PDE12: variants seen among roughly 807,000 people sequenced by gnomAD.
PDE12 encodes the protein phosphodiesterase 12.
Under a neutral mutation model 45.4 loss-of-function variants are expected in PDE12, and 26 were observed. The ratio of observed to expected loss-of-function variants is 0.57; its 90% confidence interval spans 0.42 to 0.79. The LOEUF (loss-of-function observed/expected upper bound fraction) is 0.79. Among genes scored for constraint, PDE12 ranks in the 30% least tolerant of loss-of-function variants. PDE12 has a pLI of 0.00. For synonymous variants in PDE12, 283 were observed against 323.9 expected (o/e 0.87, Z 1.36); for missense variants, 668 against 790.0 (o/e 0.85, Z 1.85).
chr3:57,600,983 G>A, the PDE12 span: 4 of 152,234 alleles, frequency 2.6e-5, no homozygotes, highest in East Asian at 7.7e-4. Context: ...AATTGCTATA[G>A]TTTATTGATC....
the PDE12 span, among the ~76,000 whole-genome samples, chr3:57,581,435 A>C: frequency 6.6e-6 from 1 of 152,300 alleles, no homozygotes; most frequent in African/African-American, 2.4e-5. Flanking sequence ...CTAGGGATAA[A>C]CCCAGGGTTA....
chr3:57,610,402 A>T, the PDE12 span, among the ~76,000 whole-genome samples: 1 of 152,168 alleles, frequency 6.6e-6, no homozygotes, highest in South Asian at 2.1e-4. Flanking sequence ...AGGCAGGAGA[A>T]ATAAATAAAG....
At chr3:57,587,827 A>C in the PDE12 span, among the ~76,000 whole-genome samples, 3 of 152,230 alleles carry the variant, frequency 2.0e-5, no homozygotes, top group Non-Finnish European at 2.9e-5. Context: ...ATTACAAGAC[A>C]ACAGTTTAAT....
At chr3:57,604,155 C>G in the PDE12 span, among the ~76,000 whole-genome samples, 2 of 151,946 alleles carry the variant, frequency 1.3e-5, no homozygotes, top group Admixed American at 1.3e-4. Context: ...AACTCCTGAC[C>G]TTGTGATCCA....
the PDE12 span, among the ~76,000 whole-genome samples, chr3:57,621,985 G>C: frequency 6.6e-6 from 1 of 152,102 alleles, no homozygotes; most frequent in Non-Finnish European, 1.5e-5. Flanking sequence ...AGAGCAGCCT[G>C]GCCAACATGG....
the PDE12 span, among the ~76,000 whole-genome samples, chr3:57,629,757 C>T: frequency 1.3e-5 from 2 of 151,364 alleles, no homozygotes; most frequent in Admixed American, 6.6e-5. Context: ...CTCCTGACCT[C>T]GTGATCCACC....
At chr3:57,597,101 C>G in the PDE12 span, 1 of 1,614,028 alleles carries the variant, frequency 6.2e-7, no homozygotes. Flanking sequence ...TGCTTCTTGC[C>G]AAATAGTCGG....
rs1369956360 is a variant in PDE12, at chr3:57,560,507, G to T, written c.*503G>T. The T allele has an allele frequency of 2.2e-5, 10 of 445,038 alleles. No individual in the cohort carries two copies. In the South Asian group the frequency reaches 2.8e-4, roughly 13 times the overall value. 27.6% of individuals were successfully genotyped at this position (445,038 alleles called of 1,614,324 possible). A position where few individuals can be genotyped will look rare whatever the true frequency, so the allele number is the denominator to read the frequency against. ...TGTCTGGCTAATTTTTGTATTTTTAGTAGAAATGGGGTTTCGCCACGTTGG... is the reference window on the plus strand; with the variant it reads ...TGTCTGGCTAATTTTTGTATTTTTATTAGAAATGGGGTTTCGCCACGTTGG... On this transcript the variant is annotated 3_prime_UTR_variant, in exon 3 of 3. Coordinates refer to ENST00000311180, the MANE Select transcript of PDE12 (RefSeq NM_177966.7).
the PDE12 span, among the ~76,000 whole-genome samples, chr3:57,595,108 T>A: frequency 6.6e-6 from 1 of 152,228 alleles, no homozygotes; most frequent in African/African-American, 2.4e-5. Flanking sequence ...TTCTCTCCCA[T>A]TTTCTTCGAA....
chr3:57,556,590 C>G lies in PDE12; in HGVS notation c.211C>G (p.Leu71Val). 6.2e-7 allele frequency: 1 copy of G among 1,613,198 alleles called. No homozygotes were observed. Among genetic ancestry groups the G allele is most frequent in the Non-Finnish European group, 8.5e-7 (1 of 1,179,848 alleles). The change falls in exon 1 of 3, where the codon CTG becomes GTG. Residue 71 changes from leucine (L) to valine (V), a missense_variant. This residue lies in a region of PDE12 where 580 missense variants were observed against 662.9 expected (regional missense o/e 0.87). Coordinates refer to ENST00000311180, the MANE Select transcript of PDE12 (RefSeq NM_177966.7). This position sits in a 1 kb window ranked among gnomAD's most constrained non-coding sequence, Gnocchi z 5.0. ...KNMQRDQSEP[L>V]GRVLSRIATN... ...CATGCAGCGCGACCAGAGCGAGCCG[C>G]TGGGTCGAGTCCTCAGCCGCATCGC...
the PDE12 span, among the ~76,000 whole-genome samples, chr3:57,580,910 G>C: frequency 1.3e-5 from 2 of 151,910 alleles, no homozygotes; most frequent in Non-Finnish European, 2.9e-5. Flanking sequence ...ACTGCACCCA[G>C]CCTTTGTTTT....
chr3:57,601,875 G>A, the PDE12 span, among the ~76,000 whole-genome samples: 2 of 149,626 alleles, frequency 1.3e-5, no homozygotes, highest in South Asian at 2.1e-4. Flanking sequence ...TGCCCAAGTA[G>A]CTGGGACTAC....
the PDE12 span, among the ~76,000 whole-genome samples, chr3:57,614,392 T>C: frequency 6.6e-6 from 1 of 152,088 alleles, no homozygotes; most frequent in Non-Finnish European, 1.5e-5. Context: ...GTTTGTGTTT[T>C]TAGAAAAAAA....
chr3:57,645,914 T>C, the PDE12 span, among the ~76,000 whole-genome samples: 2 of 152,196 alleles, frequency 1.3e-5, no homozygotes, highest in Non-Finnish European at 2.9e-5. Flanking sequence ...AAGACAGATA[T>C]ATGTAATGTG....
At chr3:57,597,425 C>G in the PDE12 span, 12 of 286,114 alleles carry the variant, frequency 4.2e-5, no homozygotes, top group Admixed American at 5.1e-5. Context: ...AGCAGCGGCC[C>G]GGCCCCTCCA....
chr3:57,556,306 C>G lies in PDE12; in HGVS notation c.-74C>G, dbSNP rs1179545909. 7.0e-6 allele frequency: 10 copies of G among 1,433,260 alleles called. No homozygotes were observed. Among genetic ancestry groups the G allele is most frequent in the South Asian group, 2.8e-5 (2 of 71,992 alleles). The allele number at this position is 1,433,260 out of a possible 1,614,324, so 88.8% of individuals were successfully genotyped here. A position where few individuals can be genotyped will look rare whatever the true frequency, so the allele number is the denominator to read the frequency against. ...CTGAATGAGTCAAAGCCGGCGGCCT[C>G]GGCTCCTCAGCTCCACCTGACAGTA... On this transcript the variant is annotated 5_prime_UTR_variant, in exon 1 of 3. Coordinates refer to ENST00000311180, the MANE Select transcript of PDE12 (RefSeq NM_177966.7). This position sits in a 1 kb window ranked among gnomAD's most constrained non-coding sequence, Gnocchi z 5.0.
chr3:57,589,534 G>C, the PDE12 span, among the ~76,000 whole-genome samples: 1 of 149,782 alleles, frequency 6.7e-6, no homozygotes, highest in East Asian at 2.0e-4. Flanking sequence ...CCTGGCCAAC[G>C]TGGTGAAACC....
the PDE12 span, among the ~76,000 whole-genome samples, chr3:57,614,523 G>GTTT: frequency 2.3e-5 from 3 of 132,018 alleles, no homozygotes; most frequent in African/African-American, 8.5e-5. Flanking sequence ...CCTGTAATCC[G>GTTT]TTTTTTTTTT....
chr3:57,632,405 A>C, the PDE12 span, among the ~76,000 whole-genome samples: 1 of 151,802 alleles, frequency 6.6e-6, no homozygotes, highest in Non-Finnish European at 1.5e-5. Flanking sequence ...CTGTAGTCTC[A>C]AAGTCCTGGC....
Sources: allele counts gnomAD v4.1 joint callset (sites outside exome capture counted in the v4.1 genomes callset), GRCh38; gene constraint gnomAD v4.1.1; regional missense constraint gnomAD v4.1.1; non-coding constraint Gnocchi (gnomAD v3.1); transcripts MANE v1.5; gene names NCBI Gene and HGNC (gene_info 2026-07-23, HGNC 2026-07-21).